PLAGL1: variants seen among roughly 807,000 people sequenced by gnomAD.
PLAGL1 encodes zinc finger protein PLAGL1.
In PLAGL1, 1 loss-of-function variant was observed where a neutral mutation model predicts 4.6. The observed-to-expected ratio is 0.22, with a 90% CI of 0.08 to 1.03. The LOEUF is 1.03. PLAGL1 is among the 50% of genes least tolerant of loss of function. PLAGL1 has a pLI of 0.58. For missense variants in PLAGL1, 464 were observed against 570.4 expected (o/e 0.81, Z 1.90); for synonymous variants, 240 against 237.8 (o/e 1.01, Z -0.08).
intron 1 of PLAGL1, among the ~76,000 whole-genome samples, chr6:144,049,850 C>T (rs941701599): frequency 2.0e-5 from 3 of 152,152 alleles, no homozygotes; most frequent in African/African-American, 7.2e-5. Context: ...TAGAAGGTGG[C>T]TCCAAAGCCA....
chr6:144,020,154 C>T (rs1030025334), intron 1 of PLAGL1, among the ~76,000 whole-genome samples: 4 of 152,192 alleles, frequency 2.6e-5, no homozygotes, highest in Non-Finnish European at 4.4e-5. Context: ...TGTCCACGAA[C>T]TAGAAAGAGA....
chr6:143,979,097 CCA>C lies in PLAGL1; in HGVS notation c.-544+6036_-544+6037del, dbSNP rs1787317571. Among the ~76,000 whole-genome samples, 1 of 152,140 alleles carries C rather than the reference CCA, an allele frequency of 6.6e-6. No individual in the cohort carries two copies. On this transcript the variant is annotated intron_variant, in intron 2 of 7. Coordinates refer to ENST00000674357, the MANE Select transcript of PLAGL1 (RefSeq NM_001317162.2). This position sits in a 1 kb window ranked among gnomAD's most constrained non-coding sequence, Gnocchi z 4.6. ...ACTTTGTCTAATATGAATACAGTCA[CCA>C]CAGTTTTAAAAAATCAGTGCTAAAA...
Position 143,995,350 on chromosome 6 carries a change from T to C in PLAGL1, c.-583-10176A>G, listed in dbSNP as rs1312424738. ...CATTCAATAAATGATGCATAATTTT[T>C]GGCTTTTGTTGTTTTGTTGTTATGG... On this transcript the variant is annotated intron_variant, in intron 1 of 7. Coordinates refer to ENST00000674357, the MANE Select transcript of PLAGL1 (RefSeq NM_001317162.2). This position sits in a 1 kb window ranked among gnomAD's most constrained non-coding sequence, Gnocchi z 4.4. Among the ~76,000 whole-genome samples, 1 of 152,226 alleles carries C rather than the reference T, an allele frequency of 6.6e-6. No individual in the cohort carries two copies. Among genetic ancestry groups the C allele is most frequent in the Non-Finnish European group, 1.5e-5 (1 of 68,040 alleles).
chr6:144,028,595 G>T (rs1389030869), intron 1 of PLAGL1, among the ~76,000 whole-genome samples: 2 of 152,218 alleles, frequency 1.3e-5, no homozygotes, highest in Non-Finnish European at 2.9e-5. Context: ...CCTTCTCCCA[G>T]TGAAATACAT....
intron 1 of PLAGL1, among the ~76,000 whole-genome samples, chr6:144,046,207 T>C (rs4621647): frequency 0.92 from 139,477 of 152,220 alleles, 64,153 homozygotes; most frequent in African/African-American, 0.98. Flanking sequence ...AGTCATTCTC[T>C]GTCCAGCTTT....
At chr6:144,024,362 T>C (rs1220211426) in intron 1 of PLAGL1, among the ~76,000 whole-genome samples, 1 of 152,214 alleles carries the variant, frequency 6.6e-6, no homozygotes, top group African/African-American at 2.4e-5. Flanking sequence ...AAATCTCACC[T>C]TGAATTGTAA....
Position 143,948,388 on chromosome 6 carries a change from C to T in PLAGL1, c.-252G>A, listed in dbSNP as rs980998830. ...AGCTGAGGGGAGAAAGTCTGAGGCA[C>T]AGGTGCGATTCAGGAGCAGAAAGGT... On this transcript the variant is annotated 5_prime_UTR_variant, in exon 7 of 8. The change creates a new upstream start codon in the 5' untranslated region. Transcript: ENST00000674357. This position sits in a 1 kb window ranked among gnomAD's most constrained non-coding sequence, Gnocchi z 6.0. 2.2e-6 allele frequency: 1 copy of T among 447,284 alleles called. No individual in the cohort carries two copies. 27.7% of individuals were successfully genotyped at this position (447,284 alleles called of 1,614,324 possible).
intron 1 of PLAGL1, among the ~76,000 whole-genome samples, chr6:144,003,268 T>A (rs1482570504): frequency 6.6e-6 from 1 of 152,064 alleles, no homozygotes; most frequent in Non-Finnish European, 1.5e-5. Flanking sequence ...CTGGTGATAA[T>A]CACAGATCCA....
In PLAGL1 at chr6:143,959,225, A is replaced by G. The variant is rs563710585; in HGVS notation, c.-325+1244T>C. Among the ~76,000 whole-genome samples the G allele has an allele frequency of 5.3e-5, 8 of 152,228 alleles. No homozygotes were observed. In the East Asian group the frequency reaches 1.2e-3, roughly 22 times the overall value. On this transcript the variant is annotated intron_variant, in intron 6 of 7. Transcript: ENST00000674357. This position sits in a 1 kb window ranked among gnomAD's most constrained non-coding sequence, Gnocchi z 5.3. ...CCTCCCCTGCTTGCCTTGCAATCAT[A>G]CTGTCCACCCTGCTTTGGCTGGCCC...
At chr6:144,003,439 G>A (rs1248024437) in intron 1 of PLAGL1, among the ~76,000 whole-genome samples, 4 of 151,976 alleles carry the variant, frequency 2.6e-5, no homozygotes, top group African/African-American at 9.7e-5. Flanking sequence ...CCTGGCCAAC[G>A]CGGTGAAACC....
rs1330535033 is a variant in PLAGL1, at chr6:144,059,248, A to G, written c.-151+5220T>C. 6.6e-6 allele frequency among the ~76,000 whole-genome samples: 1 copy of G among 152,196 alleles called. No individual in the cohort carries two copies. Among genetic ancestry groups the G allele is most frequent in the Non-Finnish European group, 1.5e-5 (1 of 68,030 alleles). On this transcript the variant is annotated intron_variant, in intron 1 of 3. Transcript: ENST00000437412. The surrounding 1 kb of genome is among the most constrained non-coding windows in gnomAD (Gnocchi z 4.9). ...CCGGAGCTCTACCTGGGGCCCTTTG[A>G]ACCAAGACTGGAACTGGAGCAGTGG...
chr6:143,999,941 G>A (rs1792482260), intron 1 of PLAGL1, among the ~76,000 whole-genome samples: 1 of 152,050 alleles, frequency 6.6e-6, no homozygotes, highest in Non-Finnish European at 1.5e-5. Flanking sequence ...GTAGACAGTT[G>A]TACCTAAATT....
intron 6 of PLAGL1, among the ~76,000 whole-genome samples, chr6:143,956,977 T>A (rs1301278498): frequency 6.6e-6 from 1 of 152,224 alleles, no homozygotes; most frequent in African/African-American, 2.4e-5. Flanking sequence ...AGCAAGGGGC[T>A]GGGACAGCCA....
At chr6:144,021,399 T>C (rs1350177158) in intron 1 of PLAGL1, among the ~76,000 whole-genome samples, 1 of 152,202 alleles carries the variant, frequency 6.6e-6, no homozygotes, top group Non-Finnish European at 1.5e-5. Flanking sequence ...CTTTAAGGTA[T>C]TGTACACTTT....
chr6:144,028,768 C>A (rs548757693), intron 1 of PLAGL1, among the ~76,000 whole-genome samples: 1 of 152,288 alleles, frequency 6.6e-6, no homozygotes, highest in Admixed American at 6.5e-5. Flanking sequence ...GGATCCAAAG[C>A]AAATGCTTGT....
chr6:143,983,268 A>G lies in PLAGL1; in HGVS notation c.-544+1867T>C, dbSNP rs2128611694. 6.6e-6 allele frequency among the ~76,000 whole-genome samples: 1 copy of G among 152,308 alleles called. No homozygotes were observed. Among genetic ancestry groups the G allele is most frequent in the Non-Finnish European group, 1.5e-5 (1 of 68,018 alleles). Reference sequence around the variant, plus strand: ...GAGAATTAATGGTTGAGTTTGCAATATGAAGGTCGCTGGTGACACTTGAGA... The same window carrying G: ...GAGAATTAATGGTTGAGTTTGCAATGTGAAGGTCGCTGGTGACACTTGAGA... On this transcript the variant is annotated intron_variant, in intron 2 of 7. Coordinates refer to ENST00000674357, the MANE Select transcript of PLAGL1 (RefSeq NM_001317162.2). This position sits in a 1 kb window ranked among gnomAD's most constrained non-coding sequence, Gnocchi z 6.6.
At chr6:143,943,803 C>G (rs2257104) in intron 7 of PLAGL1, among the ~76,000 whole-genome samples, 1 of 151,966 alleles carries the variant, frequency 6.6e-6, no homozygotes, top group Non-Finnish European at 1.5e-5. Flanking sequence ...CAAAATAGCT[C>G]TTTTATATTT....
At chr6:143,977,083 T>TCCCCCCCC (rs55975019) in intron 2 of PLAGL1, among the ~76,000 whole-genome samples, 3 of 136,916 alleles carry the variant, frequency 2.2e-5, no homozygotes, top group Non-Finnish European at 4.8e-5. Context: ...TATACTCCCT[T>TCCCCCCCC]CCCCCCCCCC....
In PLAGL1 at chr6:143,973,503, G is replaced by C. The variant is rs188411107; in HGVS notation, c.-543-4525C>G. ...CGGGGGGAAGTCCTCTGCTTCTAGG[G>C]CCTGCTGAGCTTCAATGGCCCCCTG... On this transcript the variant is annotated intron_variant, in intron 2 of 7. Transcript: ENST00000674357. This position sits in a 1 kb window ranked among gnomAD's most constrained non-coding sequence, Gnocchi z 6.2. Among the ~76,000 whole-genome samples, 1 of 152,114 alleles carries C rather than the reference G, an allele frequency of 6.6e-6. No individual in the cohort carries two copies. Among genetic ancestry groups the C allele is most frequent in the Non-Finnish European group, 1.5e-5 (1 of 68,030 alleles).
Sources: allele counts gnomAD v4.1 joint callset (sites outside exome capture counted in the v4.1 genomes callset), GRCh38; gene constraint gnomAD v4.1.1; non-coding constraint Gnocchi (gnomAD v3.1); transcripts MANE v1.5; gene names NCBI Gene and HGNC (gene_info 2026-07-23, HGNC 2026-07-21).